The following EDN1 variants were observed in gnomAD, a reference collection of about 807,000 sequenced individuals.
EDN1 encodes the protein endothelin 1.
In EDN1, 11 loss-of-function variants were observed where a neutral mutation model predicts 21.7. The observed-to-expected ratio is 0.51, with a 90% CI of 0.32 to 0.84. The LOEUF is 0.84. EDN1 is among the 40% of genes least tolerant of loss of function. The pLI is 0.03. For missense variants in EDN1, 244 were observed against 262.3 expected (o/e 0.93, Z 0.48); for synonymous variants, 85 against 90.6 (o/e 0.94, Z 0.35).
At chr6:12,254,447 C>G in the EDN1 span, among the ~76,000 whole-genome samples, 1 of 152,172 alleles carries the variant, frequency 6.6e-6, no homozygotes, top group East Asian at 1.9e-4. Context: ...ATCATAGTAC[C>G]TTTCCACTTG....
chr6:12,234,767 C>T, the EDN1 span, among the ~76,000 whole-genome samples: 3 of 152,136 alleles, frequency 2.0e-5, no homozygotes, highest in Non-Finnish European at 4.4e-5. Flanking sequence ...TTACATTGAT[C>T]AGGAAGGTTT....
upstream of EDN1, among the ~76,000 whole-genome samples, chr6:12,286,788 CAAAT>C (rs1057160066): frequency 1.3e-5 from 2 of 151,010 alleles, no homozygotes; most frequent in African/African-American, 4.9e-5. Context: ...ATAGTTTTAT[CAAAT>C]ACTTTCCAGC....
the EDN1 span, among the ~76,000 whole-genome samples, chr6:12,266,645 G>A: frequency 6.6e-6 from 1 of 152,172 alleles, no homozygotes; most frequent in Non-Finnish European, 1.5e-5. Flanking sequence ...AGGGAAGGGG[G>A]TCAGAGGAGA....
At chr6:12,248,619 C>CT in the EDN1 span, among the ~76,000 whole-genome samples, 2 of 151,766 alleles carry the variant, frequency 1.3e-5, no homozygotes, top group African/African-American at 4.8e-5. Flanking sequence ...ATGAGCAACT[C>CT]TTTTACCTGG....
the EDN1 span, among the ~76,000 whole-genome samples, chr6:12,276,775 T>C: frequency 3.2e-3 from 486 of 152,326 alleles, 7 homozygotes; most frequent in African/African-American, 0.011. Flanking sequence ...AGTTCAAGGC[T>C]CCTGCTCAAA....
At chr6:12,254,170 A>G in the EDN1 span, among the ~76,000 whole-genome samples, 1 of 152,150 alleles carries the variant, frequency 6.6e-6, no homozygotes, top group Non-Finnish European at 1.5e-5. Context: ...ACTGTTGATT[A>G]TCTCTCCAGG....
Position 12,294,022 on chromosome 6 carries a change from T to C in EDN1, c.315T>C (p.Arg105=). 1 of 1,613,654 alleles carries C rather than the reference T, an allele frequency of 6.2e-7. No homozygotes were observed. The highest frequency in any genetic ancestry group is 8.5e-7 in the Non-Finnish European group (1 of 1,179,580). Residue 105 remains arginine (R), a synonymous_variant, in exon 3 of 5, where the codon CGT becomes CGC. Coordinates refer to ENST00000379375, the MANE Select transcript of EDN1 (RefSeq NM_001955.5). The stretch of plus-strand genomic sequence containing the variant: ...TACTTCCCACAAAGGCAACAGACCG[T>C]GAAAATAGATGCCAATGTGCTAGCC... ...ENLLPTKATD[R]ENRCQCASQK...
At chr6:12,239,194 C>T in the EDN1 span, among the ~76,000 whole-genome samples, 1,093 of 152,258 alleles carry the variant, frequency 7.2e-3, 20 homozygotes, top group African/African-American at 0.025. Flanking sequence ...GAGAATGTTG[C>T]CTCAATCATT....
chr6:12,265,826 T>C, the EDN1 span, among the ~76,000 whole-genome samples: 1 of 152,130 alleles, frequency 6.6e-6, no homozygotes, highest in Non-Finnish European at 1.5e-5. Flanking sequence ...GAGGAGAAAA[T>C]AAATTTGGAG....
rs755064642 is a variant in EDN1 at position 12,292,507 on chromosome 6, C to T, written c.231C>T (p.Pro77=). Reference sequence around the variant, plus strand: ...TGGACATCATTTGGGTCAACACTCCCGAGTAAGTCTCTAGAGGGCATTGTA... The same window carrying T: ...TGGACATCATTTGGGTCAACACTCCTGAGTAAGTCTCTAGAGGGCATTGTA... The part of the protein sequence containing the change: ...CHLDIIWVNT[P]EHVVPYGLGS... The change falls in exon 2 of 5, where the codon CCC becomes CCT. Residue 77 remains proline (P), a splice_region_variant and synonymous_variant. Coordinates refer to ENST00000379375, the MANE Select transcript of EDN1 (RefSeq NM_001955.5). 1.8e-4 allele frequency: 286 copies of T among 1,614,046 alleles called. No homozygotes were observed. The highest frequency in any genetic ancestry group is 2.3e-4 in the Non-Finnish European group (276 of 1,180,016).
chr6:12,272,363 G>A, the EDN1 span, among the ~76,000 whole-genome samples: 2 of 151,908 alleles, frequency 1.3e-5, no homozygotes, highest in South Asian at 4.1e-4. Flanking sequence ...CATAGGAAGA[G>A]CTGGAGTGAG....
At position 12,290,484 on chromosome 6, in the gene EDN1, TTTCTC is replaced by T. The variant is rs1231881795; in HGVS notation, c.-145_-141del. The T allele has an allele frequency of 8.0e-6, 5 of 624,872 alleles. No individual in the cohort carries two copies. In the African/African-American group the frequency reaches 1.7e-4, roughly 22 times the overall value. 38.7% of individuals were successfully genotyped at this position (624,872 alleles called of 1,614,324 possible). On this transcript the variant is annotated 5_prime_UTR_variant, in exon 1 of 5. Coordinates refer to ENST00000379375, the MANE Select transcript of EDN1 (RefSeq NM_001955.5). Reference sequence around the variant, plus strand: ...CCTTCTCTCCTGGCAGGCGCTGCCTTTTCTCCCCGTTAAAAGGGCACTTGGGCTGA... The same window carrying T: ...CCTTCTCTCCTGGCAGGCGCTGCCTTCCCGTTAAAAGGGCACTTGGGCTGA...
the EDN1 span, among the ~76,000 whole-genome samples, chr6:12,251,940 C>T: frequency 6.6e-6 from 1 of 152,180 alleles, no homozygotes; most frequent in Non-Finnish European, 1.5e-5. Context: ...TGGATCTGAG[C>T]TTGACTCATA....
intron 1 of EDN1, 30 bp downstream of exon 1, chr6:12,290,723 G>T (rs372644758): frequency 6.9e-6 from 11 of 1,583,214 alleles, no homozygotes; most frequent in African/African-American, 5.4e-5. Flanking sequence ...TGTAAGTCTC[G>T]GAATTACAAG....
At chr6:12,295,810 C>T in intron 4 of EDN1, 152 bp from the exon 5 acceptor site, 1 of 697,538 alleles carries the variant, frequency 1.4e-6, no homozygotes, top group Non-Finnish European at 2.5e-6. Flanking sequence ...ATAGATATCA[C>T]TTGAGGTTTT....
At chr6:12,281,646 A>G in the EDN1 span, among the ~76,000 whole-genome samples, 3 of 149,772 alleles carry the variant, frequency 2.0e-5, no homozygotes, top group Admixed American at 2.0e-4. Context: ...TAATAGTTTC[A>G]CTTTCCTGAA....
At chr6:12,233,649 A>C in the EDN1 span, among the ~76,000 whole-genome samples, 1 of 152,096 alleles carries the variant, frequency 6.6e-6, no homozygotes, top group Non-Finnish European at 1.5e-5. Context: ...TGTGATGCCA[A>C]CTCACCAAGA....
intron 1 of EDN1, among the ~76,000 whole-genome samples, 199 bp from the exon 2 acceptor site, chr6:12,292,142 A>G (rs1221419528): frequency 6.6e-6 from 1 of 151,098 alleles, no homozygotes; most frequent in Non-Finnish European, 1.5e-5. Flanking sequence ...AGCCAAGGGC[A>G]TGAGGGGGAG....
the EDN1 span, among the ~76,000 whole-genome samples, chr6:12,236,461 C>T: frequency 2.6e-5 from 4 of 152,126 alleles, no homozygotes; most frequent in African/African-American, 7.2e-5. Context: ...GGTTTTGCCA[C>T]GTTGGCTGGG....
Sources: allele counts gnomAD v4.1 joint callset (sites outside exome capture counted in the v4.1 genomes callset), GRCh38; gene constraint gnomAD v4.1.1; transcripts MANE v1.5; gene names NCBI Gene and HGNC (gene_info 2026-07-23, HGNC 2026-07-21).